AAK1: variants seen among roughly 807,000 people sequenced by gnomAD.
AAK1 encodes the protein AP2 associated kinase 1.
AAK1 carries 37 observed loss-of-function variants against 116.0 expected under a neutral mutation model. The ratio of observed to expected loss-of-function variants is 0.32; its 90% CI spans 0.25 to 0.42. AAK1 has a LOEUF of 0.42. Among genes scored for constraint, AAK1 ranks in the 10% least tolerant of loss-of-function variants. AAK1 has a pLI of 1.00. For synonymous variants in AAK1, 458 were observed against 439.9 expected (o/e 1.04, Z -0.51); for missense variants, 919 against 1,170.6 (o/e 0.79, Z 3.14).
At chr2:69,628,183 C>T (rs554832023) in intron 2 of AAK1, among the ~76,000 whole-genome samples, 43 of 152,246 alleles carry the variant, frequency 2.8e-4, no homozygotes, top group Non-Finnish European at 4.9e-4. Flanking sequence ...TGGTGGCTCA[C>T]GCCTGTAATC....
intron 13 of AAK1, among the ~76,000 whole-genome samples, chr2:69,511,865 C>T (rs138551624): frequency 1.3e-5 from 2 of 152,312 alleles, no homozygotes; most frequent in African/African-American, 4.8e-5. Flanking sequence ...ACACCTTGCC[C>T]TATAACAGCA....
At chr2:69,622,084 G>A (rs961698008) in intron 2 of AAK1, among the ~76,000 whole-genome samples, 17 of 152,252 alleles carry the variant, frequency 1.1e-4, no homozygotes, top group African/African-American at 4.1e-4. Context: ...GGTGTGGAGG[G>A]AGAGGTGCGG....
At chr2:69,498,944 G>T (rs1009233676) in intron 16 of AAK1, among the ~76,000 whole-genome samples, 4 of 152,226 alleles carry the variant, frequency 2.6e-5, no homozygotes, top group African/African-American at 9.6e-5. Context: ...ACAGACTGGG[G>T]TGTTAATACC....
chr2:69,534,450 AT>A (rs1403888395), intron 5 of AAK1, among the ~76,000 whole-genome samples: 1 of 152,236 alleles, frequency 6.6e-6, no homozygotes, highest in African/African-American at 2.4e-5. Flanking sequence ...ATGTTCAGAA[AT>A]GCCCCCACAA....
intron 13 of AAK1, among the ~76,000 whole-genome samples, chr2:69,510,691 G>C (rs1287732474): frequency 6.6e-6 from 1 of 151,810 alleles, no homozygotes; most frequent in East Asian, 1.9e-4. Flanking sequence ...TCCCTTTTTT[G>C]TTTTGTTGTT....
At chr2:69,476,524 T>A (rs542175044) in intron 21 of AAK1, among the ~76,000 whole-genome samples, 5 of 152,296 alleles carry the variant, frequency 3.3e-5, no homozygotes, top group Admixed American at 6.5e-5. Flanking sequence ...CAGCTGTTAA[T>A]CTCTTTGGGA....
At chr2:69,540,637 C>T (rs1219284026) in intron 5 of AAK1, among the ~76,000 whole-genome samples, 1 of 152,200 alleles carries the variant, frequency 6.6e-6, no homozygotes, top group African/African-American at 2.4e-5. Flanking sequence ...AAACTGGAAC[C>T]TTCACGTATT....
At chr2:69,594,289 G>A (rs1673165048) in intron 2 of AAK1, among the ~76,000 whole-genome samples, 1 of 152,166 alleles carries the variant, frequency 6.6e-6, no homozygotes, top group Non-Finnish European at 1.5e-5. Flanking sequence ...CCACATAAGG[G>A]CTCTAGTTCA....
intron 13 of AAK1, among the ~76,000 whole-genome samples, chr2:69,513,325 CTTTT>C (rs374957512): frequency 6.9e-6 from 1 of 145,808 alleles, no homozygotes; most frequent in Non-Finnish European, 1.5e-5. Flanking sequence ...AAGATGGTTT[CTTTT>C]TTTTTTTTGA....
At position 69,458,497 on chromosome 2, in the gene AAK1, A is replaced by ATGTGTACT. The variant is rs1313330919; in HGVS notation, c.*17364_*17371dup. On this transcript the variant is annotated 3_prime_UTR_variant, in exon 22 of 22. Coordinates refer to ENST00000409085, the MANE Select transcript of AAK1 (RefSeq NM_014911.5). The stretch of plus-strand genomic sequence containing the variant: ...GAGTTTCATCCTTGTGGATAAGAAG[A>ATGTGTACT]TGTGTACTTGGGAACAAGGCTAAAG... 6.6e-6 allele frequency: 1 copy of ATGTGTACT among 152,644 alleles called. No homozygotes were observed. Among genetic ancestry groups the ATGTGTACT allele is most frequent in the Non-Finnish European group, 1.5e-5 (1 of 68,044 alleles). The allele number at this position is 152,644 out of a possible 1,614,324, so 9.5% of individuals were successfully genotyped here. A position where few individuals can be genotyped will look rare whatever the true frequency, so the allele number is the denominator to read the frequency against.
chr2:69,546,918 C>T (rs1322876757), intron 3 of AAK1, among the ~76,000 whole-genome samples: 3 of 152,134 alleles, frequency 2.0e-5, no homozygotes, highest in African/African-American at 7.2e-5. Flanking sequence ...TCTCTTTTCT[C>T]CCCCCAGCAA....
intron 17 of AAK1, among the ~76,000 whole-genome samples, chr2:69,495,729 A>G (rs1362986742): frequency 6.6e-6 from 1 of 152,154 alleles, no homozygotes; most frequent in Non-Finnish European, 1.5e-5. Context: ...ACAATCAAGG[A>G]TGAAAAACTG....
intron 2 of AAK1, among the ~76,000 whole-genome samples, chr2:69,572,775 A>G (rs777870094): frequency 1.3e-5 from 2 of 152,172 alleles, no homozygotes; most frequent in Non-Finnish European, 2.9e-5. Flanking sequence ...CTGCCCAGGC[A>G]CTGATCTCTC....
At chr2:69,504,882 T>C (rs959560155) in intron 16 of AAK1, among the ~76,000 whole-genome samples, 1 of 152,244 alleles carries the variant, frequency 6.6e-6, no homozygotes, top group Non-Finnish European at 1.5e-5. Flanking sequence ...GATATCAAGA[T>C]AGTATCCCTA....
chr2:69,589,187 A>G (rs1672917558), intron 2 of AAK1, among the ~76,000 whole-genome samples: 1 of 152,242 alleles, frequency 6.6e-6, no homozygotes, highest in Non-Finnish European at 1.5e-5. Context: ...TCAGGAAACA[A>G]GGTGGCACTA....
intron 2 of AAK1, among the ~76,000 whole-genome samples, chr2:69,634,090 A>C (rs537378962): frequency 6.6e-6 from 1 of 152,314 alleles, no homozygotes; most frequent in South Asian, 2.1e-4. Context: ...GAATTGCTTA[A>C]ATCTGAGAGG....
chr2:69,509,351 C>G lies in AAK1; in HGVS notation c.1886G>C (p.Arg629Pro). The G allele has an allele frequency of 6.2e-7, 1 of 1,613,944 alleles. No homozygotes were observed. The highest frequency in any genetic ancestry group is 8.5e-7 in the Non-Finnish European group (1 of 1,179,888). ...ACTGAGAATACGCCTGTGCCCAGCA[C>G]GTTGGGTTTTGGGGGATGAGGGTGG... ...LTPPSSPKTQ[R>P]AGHRRILSDV... Residue 629 changes from arginine (R) to proline (P), a missense_variant, in exon 14 of 22, where the codon CGT becomes CCT. Coordinates refer to ENST00000409085, the MANE Select transcript of AAK1 (RefSeq NM_014911.5).
Position 69,505,555 on chromosome 2 carries a change from T to C in AAK1, c.2269+14A>G. 5 of 1,609,714 alleles carry C rather than the reference T, an allele frequency of 3.1e-6. No homozygotes were observed. The highest frequency in any genetic ancestry group is 4.3e-6 in the Non-Finnish European group (5 of 1,176,312). On this transcript the variant is annotated intron_variant, in intron 16 of 21. Coordinates refer to ENST00000409085, the MANE Select transcript of AAK1 (RefSeq NM_014911.5). ...AACAGTGAACCTCCCGTTCCAGGTATTTGCCATACTAACCAGTTCCAGCAG... is the reference window on the plus strand; with the variant it reads ...AACAGTGAACCTCCCGTTCCAGGTACTTGCCATACTAACCAGTTCCAGCAG...
In AAK1 at chr2:69,468,582, C is replaced by A. The variant is rs57256705; in HGVS notation, c.*7287G>T. 6,657 of 985,374 alleles carry A rather than the reference C, an allele frequency of 6.8e-3. 345 individuals carry two copies. In the African/African-American group the frequency reaches 0.1, roughly 16 times the overall value. The allele number at this position is 985,374 out of a possible 1,614,324, so 61.0% of individuals were successfully genotyped here. ...AAAACTTAGTCAAGCCAGTGACCAA[C>A]TCTGGCATCATACAGGTCAATAATC... On this transcript the variant is annotated 3_prime_UTR_variant, in exon 22 of 22. Coordinates refer to ENST00000409085, the MANE Select transcript of AAK1 (RefSeq NM_014911.5).
Sources: gnomAD v4.1 joint callset for allele counts (sites outside exome capture counted in the v4.1 genomes callset) on GRCh38, gnomAD v4.1.1 for gene constraint, MANE v1.5 for transcripts, NCBI Gene and HGNC (gene_info 2026-07-23, HGNC 2026-07-21) for gene names.